STAT3: variants seen among roughly 807,000 people sequenced by gnomAD.
STAT3 encodes the protein DNA-binding protein APRF.
Under a neutral mutation model 114.3 loss-of-function variants are expected in STAT3, and 7 were observed. The observed-to-expected ratio is 0.06, with a 90% CI of 0.03 to 0.11. The LOEUF (loss-of-function observed/expected upper bound fraction) is 0.11, where lower values mean the gene tolerates loss of function less well. Ranked by LOEUF, STAT3 falls within the 10% of genes least tolerant of loss-of-function variation. The pLI, the probability that STAT3 is intolerant of heterozygous loss-of-function variation, is 1.00. For missense variants in STAT3, 364 were observed against 960.9 expected, an observed-to-expected ratio of 0.38 and a Z score of 8.21; for synonymous variants, 331 against 354.5, an observed-to-expected ratio of 0.93 and a Z score of 0.74.
intron 23 of STAT3, chr17:42,316,219 T>A: frequency 2.1e-6 from 1 of 478,626 alleles, no homozygotes; most frequent in Non-Finnish European, 3.1e-6. Context: ...AAAAAAGGTC[T>A]CAACTTTTTC....
At chr17:42,316,122 T>C in intron 23 of STAT3, 1 of 1,297,106 alleles carries the variant, frequency 7.7e-7, no homozygotes, top group Non-Finnish European at 9.8e-7. Flanking sequence ...CACCAAGCAT[T>C]TGAGATTTGG....
At position 42,377,690 on chromosome 17, in the gene STAT3, T is replaced by A. The variant is rs187456605; in HGVS notation, c.-24+10589A>T. 6.1e-4 allele frequency among the ~76,000 whole-genome samples: 93 copies of A among 152,316 alleles called. 2 individuals carry two copies. Among genetic ancestry groups the A allele is most frequent in the African/African-American group, 2.2e-3 (90 of 41,572 alleles). On this transcript the variant is annotated intron_variant, in intron 1 of 23. Coordinates refer to ENST00000264657, the MANE Select transcript of STAT3 (RefSeq NM_139276.3). ...CAAAATTTACTCTAAAATATTGGTA[T>A]TACAATAAAGAAAACTGGAGTCTAG...
chr17:42,361,334 A>G (rs966311277), intron 1 of STAT3, among the ~76,000 whole-genome samples: 1 of 152,040 alleles, frequency 6.6e-6, no homozygotes, highest in Non-Finnish European at 1.5e-5. Flanking sequence ...ATACAAAAAC[A>G]TTAGCAGGCA....
At chr17:42,369,533 C>T (rs7214139) in intron 1 of STAT3, among the ~76,000 whole-genome samples, 142,678 of 152,306 alleles carry the variant, frequency 0.94, 67,542 homozygotes, top group East Asian at 1. Flanking sequence ...TCTCTTTAAA[C>T]AGCAAATCTA....
intron 1 of STAT3, among the ~76,000 whole-genome samples, chr17:42,375,375 C>G (rs953207355): frequency 1.3e-5 from 2 of 152,084 alleles, no homozygotes; most frequent in Non-Finnish European, 2.9e-5. Context: ...TGAGGATGAC[C>G]CCAGATAAAC....
At chr17:42,338,957 A>T (rs1179512830) in intron 5 of STAT3, 145 bp from the exon 6 acceptor site, 1 of 751,962 alleles carries the variant, frequency 1.3e-6, no homozygotes, top group Non-Finnish European at 2.2e-6. Flanking sequence ...TCCCCAAGAG[A>T]AGGCTCCCTG....
intron 21 of STAT3, among the ~76,000 whole-genome samples, chr17:42,318,773 G>A (rs2081349412): frequency 1.3e-5 from 2 of 152,190 alleles, no homozygotes; most frequent in Admixed American, 1.3e-4. Flanking sequence ...GCACTGCAGA[G>A]TGGCTCTTGG....
chr17:42,380,447 C>T (rs548733932), intron 1 of STAT3, among the ~76,000 whole-genome samples: 1 of 151,934 alleles, frequency 6.6e-6, no homozygotes, highest in East Asian at 1.9e-4. Flanking sequence ...TGCAGTGGCA[C>T]GATCTCGGTT....
intron 23 of STAT3, 26 bp from the exon 24 acceptor site, chr17:42,315,826 G>C (rs372390326): frequency 1.9e-6 from 3 of 1,613,804 alleles, no homozygotes; most frequent in Admixed American, 1.7e-5. Flanking sequence ...GGGAAAACTA[G>C]TTCAGTTGTC....
At chr17:42,384,132 A>AT (rs371933640) in intron 1 of STAT3, among the ~76,000 whole-genome samples, 56,536 of 134,174 alleles carry the variant, frequency 0.42, 13,695 homozygotes, top group Admixed American at 0.57. Flanking sequence ...TTATTTATTT[A>AT]TTTTTTTTTT....
chr17:42,371,725 T>C (rs955384463), intron 1 of STAT3, among the ~76,000 whole-genome samples: 1 of 148,844 alleles, frequency 6.7e-6, no homozygotes, highest in Non-Finnish European at 1.5e-5. Flanking sequence ...CTCATGCCTG[T>C]AATCCTAACA....
chr17:42,350,444 C>T (rs1409536586), intron 1 of STAT3, among the ~76,000 whole-genome samples: 1 of 152,136 alleles, frequency 6.6e-6, no homozygotes, highest in African/African-American at 2.4e-5. Context: ...CTGCACCTGG[C>T]TAATTTTTTT....
At chr17:42,336,867 A>G (rs2082248936) in intron 8 of STAT3, among the ~76,000 whole-genome samples, 1 of 151,926 alleles carries the variant, frequency 6.6e-6, no homozygotes, top group Non-Finnish European at 1.5e-5. Flanking sequence ...TGTTAAATAC[A>G]GTTAAACCAA....
At chr17:42,364,122 C>A (rs1239848414) in intron 1 of STAT3, among the ~76,000 whole-genome samples, 1 of 152,124 alleles carries the variant, frequency 6.6e-6, no homozygotes, top group Non-Finnish European at 1.5e-5. Context: ...ACACACATAA[C>A]CACCACCTCC....
At chr17:42,382,846 C>A (rs978912512) in intron 1 of STAT3, among the ~76,000 whole-genome samples, 1 of 151,734 alleles carries the variant, frequency 6.6e-6, no homozygotes, top group African/African-American at 2.4e-5. Flanking sequence ...CGGAGTTTCA[C>A]CGTGTTAGCC....
At chr17:42,328,630 A>C (rs1310664543) in intron 14 of STAT3, among the ~76,000 whole-genome samples, 1 of 151,674 alleles carries the variant, frequency 6.6e-6, no homozygotes, top group Admixed American at 6.6e-5. Context: ...CTGGTCTTGA[A>C]CTCCTGACCT....
intron 21 of STAT3, among the ~76,000 whole-genome samples, chr17:42,319,568 A>AAG (rs1567704780): frequency 7.1e-6 from 1 of 141,342 alleles, no homozygotes; most frequent in African/African-American, 2.6e-5. Context: ...AAAAAAAAAA[A>AAG]GCTGAGAAAA....
intron 4 of STAT3, among the ~76,000 whole-genome samples, chr17:42,341,900 G>A (rs1228419049): frequency 6.6e-6 from 1 of 151,762 alleles, no homozygotes; most frequent in Admixed American, 6.6e-5. Context: ...GCTGGATTTG[G>A]GCCACGCTCA....
intron 5 of STAT3, 120 bp from the exon 6 acceptor site, chr17:42,338,932 G>T: frequency 1.1e-6 from 1 of 884,820 alleles, no homozygotes; most frequent in Non-Finnish European, 1.8e-6. Flanking sequence ...ATACATGCAG[G>T]ACCTGCAGGC....
Sources: gnomAD v4.1 joint callset for allele counts (sites outside exome capture counted in the v4.1 genomes callset) on GRCh38, gnomAD v4.1.1 for gene constraint, MANE v1.5 for transcripts, NCBI Gene and HGNC (gene_info 2026-07-23, HGNC 2026-07-21) for gene names.